CLCN5: variants seen among roughly 807,000 people sequenced by gnomAD.
CLCN5 encodes H(+)/Cl(-) exchange transporter 5.
In CLCN5, 17 loss-of-function variants were observed where a neutral mutation model predicts 54.0. The ratio of observed to expected loss-of-function variants is 0.31; its 90% confidence interval spans 0.22 to 0.47. The LOEUF (loss-of-function observed/expected upper bound fraction) is 0.47. Ranked by LOEUF, CLCN5 falls within the 20% of genes least tolerant of loss-of-function variation. CLCN5 has a pLI of 1.00. For synonymous variants in CLCN5, 222 were observed against 233.0 expected (o/e 0.95, Z 0.43); for missense variants, 448 against 646.7 (o/e 0.69, Z 3.33).
At chrX:50,043,389 TGA>T (rs1273601522) in intron 4 of CLCN5, among the ~76,000 whole-genome samples, 1 of 112,206 alleles carries the variant, frequency 8.9e-6, no homozygotes, top group Non-Finnish European at 1.9e-5. Context: ...TCTAGGCATA[TGA>T]GAGTATTTTT....
intron 3 of CLCN5, among the ~76,000 whole-genome samples, chrX:50,002,681 C>CTCTCTG (rs782412410): frequency 8.4e-5 from 8 of 94,775 alleles, no homozygotes; most frequent in South Asian, 4.8e-4. Flanking sequence ...CTCTCTCTCT[C>CTCTCTG]TGTGTGTGTG....
intron 3 of CLCN5, among the ~76,000 whole-genome samples, chrX:49,996,244 C>G (rs909774440): frequency 3.0e-4 from 34 of 111,981 alleles, no homozygotes; most frequent in Middle Eastern, 4.6e-3. Flanking sequence ...GATGAATTAC[C>G]AGTTTCTGCT....
Position 50,058,426 on chromosome X carries a change from AT to A in CLCN5, c.164-11443del, listed in dbSNP as rs1164423876. 2.3e-3 allele frequency among the ~76,000 whole-genome samples: 248 copies of A among 108,691 alleles called. 4 individuals carry two copies. Among genetic ancestry groups the A allele is most frequent in the Admixed American group, 3.7e-3 (38 of 10,142 alleles). The allele number at this position is 108,691 out of a possible 115,157, so 94.4% of individuals were successfully genotyped here. A position where few individuals can be genotyped will look rare whatever the true frequency, so the allele number is the denominator to read the frequency against. On this transcript the variant is annotated intron_variant, in intron 4 of 14. Transcript: ENST00000376091. ...TTTAAATAAACATTATTCTCAACAG[AT>A]TTTTTTTTTCTTGTATTTTAAGGGG... is the stretch of plus-strand genomic sequence containing the variant.
chrX:49,928,602 G>T (rs782664863), intron 3 of CLCN5, among the ~76,000 whole-genome samples: 2 of 111,875 alleles, frequency 1.8e-5, no homozygotes, highest in South Asian at 7.4e-4. Context: ...GGGTCTTTAA[G>T]TAGAAGTTTA....
intron 3 of CLCN5, among the ~76,000 whole-genome samples, chrX:50,014,395 G>T (rs942244276): frequency 1.4e-4 from 16 of 112,200 alleles, no homozygotes; most frequent in African/African-American, 2.3e-4. Context: ...TTGCCTCAAA[G>T]AATATGTGTA....
At chrX:50,082,952 G>C (rs1439529706) in intron 9 of CLCN5, among the ~76,000 whole-genome samples, 2 of 111,198 alleles carry the variant, frequency 1.8e-5, no homozygotes, top group African/African-American at 6.6e-5. Flanking sequence ...TGTAGTGGCT[G>C]TCATGTTTAT....
intron 3 of CLCN5, among the ~76,000 whole-genome samples, chrX:49,952,948 C>T (rs1557173334): frequency 1.9e-5 from 2 of 103,478 alleles, no homozygotes; most frequent in Non-Finnish European, 3.9e-5. Flanking sequence ...TGCAATGGCA[C>T]AATCTCGGCT....
At chrX:50,015,503 A>G (rs782308698) in intron 3 of CLCN5, among the ~76,000 whole-genome samples, 2 of 108,008 alleles carry the variant, frequency 1.9e-5, no homozygotes, top group Non-Finnish European at 3.8e-5. Context: ...AGAACAGCCT[A>G]TATCTTTATA....
chrX:49,966,597 T>A (rs1222717467), intron 3 of CLCN5, among the ~76,000 whole-genome samples: 1 of 14,793 alleles, frequency 6.8e-5, no homozygotes, highest in African/African-American at 3.0e-4. Flanking sequence ...ATCTTTTTTT[T>A]TTTTTTTTTT....
At chrX:50,073,027 C>T (rs1311167305) in intron 6 of CLCN5, among the ~76,000 whole-genome samples, 3 of 110,530 alleles carry the variant, frequency 2.7e-5, no homozygotes, top group Non-Finnish European at 3.8e-5. Flanking sequence ...AGATATGGCT[C>T]GTACTCCCAA....
chrX:50,029,274 G>A (rs1281496502), intron 3 of CLCN5, among the ~76,000 whole-genome samples: 1 of 109,370 alleles, frequency 9.1e-6, no homozygotes, highest in East Asian at 2.9e-4. Flanking sequence ...TTAGCATTAG[G>A]TATATCTCCT....
intron 3 of CLCN5, among the ~76,000 whole-genome samples, chrX:49,952,972 G>A (rs1466236878): frequency 9.6e-6 from 1 of 104,440 alleles, no homozygotes; most frequent in Non-Finnish European, 1.9e-5. Context: ...CGCAACCTCC[G>A]CCTCCTGGGT....
In CLCN5 at chrX:50,090,725, G is replaced by A. The variant is rs782071629; in HGVS notation, c.2199G>A (p.Thr733=). ...GVVSTSIIYF[T]EHSPPLPPYT... ...TTAGCACTTCCATCATTTATTTCAC[G>A]GAGCATTCTCCTCCATTGCCACCAT... is the stretch of plus-strand genomic sequence containing the variant. Residue 733 remains threonine, a synonymous_variant, in exon 14 of 15, where the codon ACG becomes ACA. Coordinates refer to ENST00000376091, the MANE Select transcript of CLCN5 (RefSeq NM_001127898.4). 13 of 1,210,348 alleles carry A rather than the reference G, an allele frequency of 1.1e-5. No individual in the cohort carries two copies. The highest frequency in any genetic ancestry group is 1.7e-5 in the African/African-American group (1 of 57,651).
chrX:50,034,508 G>A (rs782325686), intron 3 of CLCN5, among the ~76,000 whole-genome samples: 1 of 111,584 alleles, frequency 9.0e-6, no homozygotes, highest in South Asian at 3.8e-4. Flanking sequence ...CTTTTGTGGA[G>A]CAAAAATAAG....
At chrX:50,033,353 A>G (rs1476605643) in intron 3 of CLCN5, among the ~76,000 whole-genome samples, 2 of 111,358 alleles carry the variant, frequency 1.8e-5, no homozygotes, top group African/African-American at 6.6e-5. Context: ...CAAAAATCAC[A>G]ATCATTCTTA....
intron 4 of CLCN5, among the ~76,000 whole-genome samples, chrX:50,064,263 G>C (rs782448033): frequency 9.1e-6 from 1 of 109,973 alleles, no homozygotes; most frequent in East Asian, 2.9e-4. Flanking sequence ...ATAAAACCCC[G>C]TCGTCTCAGC....
intron 3 of CLCN5, among the ~76,000 whole-genome samples, chrX:49,992,190 C>A (rs183012549): frequency 5.7e-5 from 6 of 106,000 alleles, no homozygotes; most frequent in African/African-American, 2.1e-4. Context: ...CTCTTGGGGT[C>A]TCTCCCTCTC....
chrX:49,975,623 A>G (rs1454159716), intron 3 of CLCN5, among the ~76,000 whole-genome samples: 1 of 110,343 alleles, frequency 9.1e-6, no homozygotes, highest in Non-Finnish European at 1.9e-5. Flanking sequence ...CATTTTTCAG[A>G]AAGCTTACCA....
chrX:49,945,448 C>T (rs868966279), intron 3 of CLCN5: 1 of 108,086 alleles, frequency 9.3e-6, no homozygotes, highest in East Asian at 2.9e-4. Context: ...AGCGCCCTTT[C>T]GATTTTTTTT....
Sources: gnomAD v4.1 joint callset for allele counts (sites outside exome capture counted in the v4.1 genomes callset) on GRCh38, gnomAD v4.1.1 for gene constraint, MANE v1.5 for transcripts, NCBI Gene and HGNC (gene_info 2026-07-23, HGNC 2026-07-21) for gene names.